The following KYNU variants were observed in gnomAD, a reference collection of about 807,000 sequenced individuals.
The protein encoded by KYNU is kynureninase.
In KYNU, 54 loss-of-function variants were observed where a neutral mutation model predicts 59.2. That is an observed-to-expected ratio of 0.91 (90% CI 0.73 to 1.14). The LOEUF (loss-of-function observed/expected upper bound fraction) is 1.14. Among genes scored for constraint, KYNU ranks in the 50% most tolerant of loss-of-function variants. The pLI is 0.00. For synonymous variants in KYNU, 177 were observed against 192.0 expected (o/e 0.92, Z 0.65); for missense variants, 567 against 554.4 (o/e 1.02, Z -0.23).
chr2:142,912,371 C>CTTTTTTTTTTTTT (rs60854220), intron 2 of KYNU, among the ~76,000 whole-genome samples: 8 of 89,508 alleles, frequency 8.9e-5, no homozygotes, highest in African/African-American at 1.3e-4. Context: ...TTTTGTATTT[C>CTTTTTTTTTTTTT]TTTTTTTTTT....
At chr2:142,903,920 C>T (rs999062168) in intron 2 of KYNU, among the ~76,000 whole-genome samples, 8 of 152,122 alleles carry the variant, frequency 5.3e-5, no homozygotes, top group Non-Finnish European at 1.0e-4. Flanking sequence ...CCAGAGCCTC[C>T]GAAGTCGTGC....
intron 2 of KYNU, among the ~76,000 whole-genome samples, chr2:142,900,616 C>A (rs910306763): frequency 6.6e-6 from 1 of 152,128 alleles, no homozygotes. Flanking sequence ...AAGATGGATG[C>A]GGTCACCTTC....
chr2:142,930,004 A>C (rs1225738545), intron 4 of KYNU, among the ~76,000 whole-genome samples: 1 of 152,232 alleles, frequency 6.6e-6, no homozygotes, highest in Non-Finnish European at 1.5e-5. Flanking sequence ...TTTCCCTCAC[A>C]ACAGAAGGCT....
intron 2 of KYNU, among the ~76,000 whole-genome samples, chr2:142,906,592 T>C (rs1157926611): frequency 6.6e-6 from 1 of 152,026 alleles, no homozygotes; most frequent in African/African-American, 2.4e-5. Flanking sequence ...CCTTTGGAGA[T>C]ACAACCTACT....
intron 4 of KYNU, among the ~76,000 whole-genome samples, chr2:142,940,137 TG>T (rs1193442996): frequency 6.0e-5 from 9 of 151,170 alleles, no homozygotes; most frequent in African/African-American, 2.2e-4. Flanking sequence ...ATCCTTCGTT[TG>T]TGTTCATTTG....
intron 3 of KYNU, among the ~76,000 whole-genome samples, chr2:142,919,412 CTTACTT>C (rs1254578814): frequency 2.6e-5 from 4 of 152,136 alleles, no homozygotes; most frequent in Non-Finnish European, 5.9e-5. Context: ...ATTATCAACA[CTTACTT>C]TTATGATAAC....
chr2:142,983,790 C>A (rs1054179884), intron 8 of KYNU, among the ~76,000 whole-genome samples: 1 of 151,910 alleles, frequency 6.6e-6, no homozygotes, highest in African/African-American at 2.4e-5. Context: ...TTAACATAAG[C>A]AAAATATTGT....
chr2:142,944,189 C>T (rs1471805923), intron 4 of KYNU, among the ~76,000 whole-genome samples: 1 of 152,110 alleles, frequency 6.6e-6, no homozygotes, highest in Non-Finnish European at 1.5e-5. Flanking sequence ...TCAGTTTCCT[C>T]GTTATGAAAT....
intron 4 of KYNU, chr2:142,947,323 A>AT (rs1259034923): frequency 6.8e-6 from 8 of 1,170,190 alleles, no homozygotes; most frequent in South Asian, 3.1e-5. Flanking sequence ...GAAGCATTCC[A>AT]TTTTTTCTAT....
At chr2:142,971,631 G>A (rs1286455270) in intron 8 of KYNU, among the ~76,000 whole-genome samples, 4 of 152,148 alleles carry the variant, frequency 2.6e-5, no homozygotes, top group Non-Finnish European at 5.9e-5. Context: ...GACTGATTGA[G>A]GGTAGACCTT....
intron 10 of KYNU, among the ~76,000 whole-genome samples, chr2:142,988,199 C>A (rs1338953229): frequency 6.6e-6 from 1 of 151,774 alleles, no homozygotes; most frequent in Non-Finnish European, 1.5e-5. Context: ...GGGTGACATT[C>A]TGTAACACCC....
intron 10 of KYNU, among the ~76,000 whole-genome samples, chr2:142,996,559 G>C (rs1460907354): frequency 1.3e-5 from 2 of 151,964 alleles, no homozygotes; most frequent in African/African-American, 4.8e-5. Context: ...AGGGATGTTG[G>C]GAGAACCTTA....
At chr2:143,006,468 G>A (rs1341962383) in intron 10 of KYNU, among the ~76,000 whole-genome samples, 4 of 143,792 alleles carry the variant, frequency 2.8e-5, no homozygotes, top group South Asian at 2.4e-4. Flanking sequence ...AGGTGGCAGC[G>A]AGGCTGGGGG....
chr2:142,894,882 G>A (rs531249327), intron 2 of KYNU, among the ~76,000 whole-genome samples: 1 of 152,298 alleles, frequency 6.6e-6, no homozygotes, highest in African/African-American at 2.4e-5. Flanking sequence ...TGAGGCAGGA[G>A]GATGGCTTGA....
intron 3 of KYNU, among the ~76,000 whole-genome samples, chr2:142,923,310 T>TGGGATTTCTAAA (rs1682944589): frequency 6.6e-6 from 1 of 152,216 alleles, no homozygotes; most frequent in East Asian, 1.9e-4. Context: ...TTCAACTCTA[T>TGGGATTTCTAAA]GGGATTTCTA....
At chr2:143,027,517 T>G (rs1477120535) in intron 10 of KYNU, among the ~76,000 whole-genome samples, 2 of 152,206 alleles carry the variant, frequency 1.3e-5, no homozygotes, top group African/African-American at 4.8e-5. Context: ...CTTTATAAAC[T>G]GCCTGTCCCT....
Position 143,042,197 on chromosome 2 carries a change from C to A in KYNU, c.*25C>A. Reference sequence around the variant, plus strand: ...GCAGTGTTTTCTAGAACAACTTAAGCAAATTATACTGAAAGCTGCTGTGGT... The same window carrying A: ...GCAGTGTTTTCTAGAACAACTTAAGAAAATTATACTGAAAGCTGCTGTGGT... On this transcript the variant is annotated 3_prime_UTR_variant, in exon 14 of 14. Coordinates refer to ENST00000264170, the MANE Select transcript of KYNU (RefSeq NM_003937.3). 5.0e-6 allele frequency: 8 copies of A among 1,602,066 alleles called. No homozygotes were observed. Among genetic ancestry groups the A allele is most frequent in the Non-Finnish European group, 6.8e-6 (8 of 1,174,190 alleles).
At chr2:142,989,409 G>A in intron 10 of KYNU, 1 of 987,382 alleles carries the variant, frequency 1.0e-6, no homozygotes, top group South Asian at 4.6e-5. Flanking sequence ...ACCATATGGA[G>A]AACATCAAAT....
intron 7 of KYNU, chr2:142,957,923 G>C (rs1480831988): frequency 3.9e-6 from 2 of 508,960 alleles, no homozygotes; most frequent in Non-Finnish European, 7.0e-6. Flanking sequence ...TCAAGGGCTA[G>C]CCATATGGCA....
Sources: gnomAD v4.1 joint callset for allele counts (sites outside exome capture counted in the v4.1 genomes callset) on GRCh38, gnomAD v4.1.1 for gene constraint, MANE v1.5 for transcripts, NCBI Gene and HGNC (gene_info 2026-07-23, HGNC 2026-07-21) for gene names.